PCDHA8: variants seen among roughly 807,000 people sequenced by gnomAD.
The protein encoded by PCDHA8 is protocadherin alpha 8, also known as protocadherin alpha-8.
Under a neutral mutation model 61.8 loss-of-function variants are expected in PCDHA8, and 53 were observed. The observed-to-expected ratio is 0.86, with a 90% confidence interval of 0.69 to 1.08. The LOEUF (loss-of-function observed/expected upper bound fraction) is 1.08, where lower values mean the gene tolerates loss of function less well. PCDHA8 is among the 50% of genes least tolerant of loss of function. PCDHA8 has a pLI of 0.00. For synonymous variants in PCDHA8, 618 were observed against 556.6 expected (o/e 1.11, Z -1.55); for missense variants, 1,293 against 1,245.0 (o/e 1.04, Z -0.58).
chr5:140,967,969 C>T (rs997628696), intron 1 of PCDHA8: 3 of 1,614,064 alleles, frequency 1.9e-6, no homozygotes, highest in African/African-American at 1.3e-5. Flanking sequence ...GGAAAGTGAG[C>T]CTGGGTCTGG....
chr5:140,985,572 C>G (rs2097158307), intron 3 of PCDHA8, among the ~76,000 whole-genome samples: 1 of 152,142 alleles, frequency 6.6e-6, no homozygotes, highest in Non-Finnish European at 1.5e-5. Context: ...CTTTCTGGTG[C>G]CTAAGCCTCC....
chr5:140,868,751 C>A, intron 1 of PCDHA8: 1 of 215,966 alleles, frequency 4.6e-6, no homozygotes, highest in Non-Finnish European at 9.2e-6. Flanking sequence ...ATGCCATTTC[C>A]ATATATATTT....
chr5:140,852,717 C>T lies in PCDHA8; in HGVS notation c.2394+9002C>T, dbSNP rs2042449102. ...ACTTTCAAGTATCTTTGTCTTTGCA[C>T]GTTTTTCAAGTTTCATGTGCCATTT... is the stretch of plus-strand genomic sequence containing the variant. On this transcript the variant is annotated intron_variant, in intron 1 of 3. Transcript: ENST00000531613. 6 of 981,714 alleles carry T rather than the reference C, an allele frequency of 6.1e-6. 2 individuals carry two copies. Among genetic ancestry groups the T allele is most frequent in the Non-Finnish European group, 7.4e-6 (6 of 814,360 alleles). 60.8% of individuals were successfully genotyped at this position (981,714 alleles called of 1,614,324 possible).
At chr5:140,984,826 T>C (rs1554246543) in intron 3 of PCDHA8, among the ~76,000 whole-genome samples, 4 of 152,188 alleles carry the variant, frequency 2.6e-5, no homozygotes, top group African/African-American at 9.6e-5. Context: ...TTAATTACCC[T>C]TTCTGTAAAT....
At chr5:140,992,282 TG>T (rs1554252798) in intron 3 of PCDHA8, among the ~76,000 whole-genome samples, 1 of 152,178 alleles carries the variant, frequency 6.6e-6, no homozygotes, top group African/African-American at 2.4e-5. Context: ...AGCACATCCC[TG>T]CAAAGGATGG....
intron 1 of PCDHA8, chr5:140,863,982 CAG>C (rs1167037323): frequency 6.5e-6 from 1 of 152,978 alleles, no homozygotes; most frequent in Non-Finnish European, 1.5e-5. Context: ...GCCTGGGAGA[CAG>C]GGTGAAACTC....
intron 1 of PCDHA8, among the ~76,000 whole-genome samples, chr5:140,925,606 C>A (rs1554202814): frequency 1.3e-5 from 2 of 150,882 alleles, no homozygotes; most frequent in African/African-American, 4.9e-5. Context: ...TGTAACAAAC[C>A]TGCACGTTGT....
In PCDHA8 at chr5:140,904,903, A is replaced by G. The variant is rs568713418; in HGVS notation, c.2394+61188A>G. On this transcript the variant is annotated intron_variant, in intron 1 of 3. Transcript: ENST00000531613. ...CTTTTTGATGGGATTTGTTTTTCTT[A>G]CTGATTTGTTTGACTTCCTTGTAGG... 9.4e-4 allele frequency among the ~76,000 whole-genome samples: 142 copies of G among 151,862 alleles called. 2 individuals carry two copies. The highest frequency in any genetic ancestry group is 2.9e-3 in the African/African-American group (122 of 41,438).
At chr5:140,982,447 C>G (rs782801484) in intron 2 of PCDHA8, 28 bp from the exon 3 acceptor site, 1 of 1,613,782 alleles carries the variant, frequency 6.2e-7, no homozygotes, top group South Asian at 1.1e-5. Flanking sequence ...ATGATCTAAC[C>G]GTTATCTGGG....
chr5:140,968,500 C>T, intron 1 of PCDHA8: 2 of 1,614,222 alleles, frequency 1.2e-6, no homozygotes, highest in Middle Eastern at 1.6e-4. Context: ...ATGCCCCTCA[C>T]ATTCTGTACC....
At chr5:140,884,732 A>G in intron 1 of PCDHA8, 2 of 1,448,046 alleles carry the variant, frequency 1.4e-6, no homozygotes, top group South Asian at 1.6e-5. Flanking sequence ...TGTTTAAGAC[A>G]TCTTTCCTGC....
intron 3 of PCDHA8, among the ~76,000 whole-genome samples, chr5:140,999,830 T>C (rs146250053): frequency 2.0e-5 from 3 of 152,238 alleles, no homozygotes; most frequent in Non-Finnish European, 4.4e-5. Context: ...GCTTTAAAAA[T>C]ATGCCAAGTG....
chr5:140,883,868 C>G lies in PCDHA8; in HGVS notation c.2394+40153C>G, dbSNP rs782022578. ...CGAGGAGCTGGAGCTGTTGCAGTTC[C>G]AGGTGAGCGCGCGCGACTCTGGCGT... On this transcript the variant is annotated intron_variant, in intron 1 of 3. Coordinates refer to ENST00000531613, the MANE Select transcript of PCDHA8 (RefSeq NM_018911.3). 9.9e-6 allele frequency: 16 copies of G among 1,613,048 alleles called. No homozygotes were observed. The Admixed American group carries it at 2.5e-4, about 25-fold the overall frequency.
rs2150346065 is a variant in PCDHA8, at chr5:140,842,843, A to G, written c.1522A>G (p.Ile508Val). Residue 508 changes from isoleucine to valine, a missense_variant, in exon 1 of 4, where the codon ATT (isoleucine) becomes GTT (valine). Coordinates refer to ENST00000531613, the MANE Select transcript of PCDHA8 (RefSeq NM_018911.3). Reference protein sequence around the residue: ...RVGERSLSSYISVHTESGKVY... With the variant: ...RVGERSLSSYVSVHTESGKVY... ...GGGCGAGCGCTCGCTGTCGAGCTAC[A>G]TTTCGGTGCACACGGAGAGCGGCAA... 1.1e-5 allele frequency: 17 copies of G among 1,593,618 alleles called. 1 individual carries two copies. The South Asian group carries it at 1.8e-4, about 17-fold the overall frequency.
chr5:140,909,516 C>G (rs1213307040), intron 1 of PCDHA8, among the ~76,000 whole-genome samples: 1 of 152,152 alleles, frequency 6.6e-6, no homozygotes, highest in Non-Finnish European at 1.5e-5. Context: ...GAATCACAAC[C>G]CCTGCACATT....
rs578208339 is a variant in PCDHA8 at position 141,001,194 on chromosome 5, C to G, written c.2543-8433C>G. Among the ~76,000 whole-genome samples the G allele has an allele frequency of 1.1e-4, 17 of 152,218 alleles. 1 individual carries two copies. In the South Asian group the frequency reaches 3.3e-3, roughly 30 times the overall value. On this transcript the variant is annotated intron_variant, in intron 3 of 3. Coordinates refer to ENST00000531613, the MANE Select transcript of PCDHA8 (RefSeq NM_018911.3). ...ACGAGTTTTTACTTTGCACCATGCA[C>G]TTATGCTATGTGCTGTATAAGGATA...
At chr5:140,885,738 C>T (rs1160742683) in intron 1 of PCDHA8, among the ~76,000 whole-genome samples, 5 of 151,978 alleles carry the variant, frequency 3.3e-5, no homozygotes, top group African/African-American at 1.2e-4. Flanking sequence ...TGATATTTCA[C>T]TGTTACTTTA....
At chr5:140,997,673 TG>T (rs1554255971) in intron 3 of PCDHA8, among the ~76,000 whole-genome samples, 41 of 149,136 alleles carry the variant, frequency 2.7e-4, no homozygotes, top group African/African-American at 9.9e-4. Context: ...ACAGCTTGTG[TG>T]TGTGTGTGTG....
At chr5:141,005,548 A>G (rs970223535) in intron 3 of PCDHA8, among the ~76,000 whole-genome samples, 2 of 151,322 alleles carry the variant, frequency 1.3e-5, no homozygotes, top group African/African-American at 4.9e-5. Flanking sequence ...CTAAAAATAC[A>G]AAAATTAGCC....
Sources: allele counts gnomAD v4.1 joint callset (sites outside exome capture counted in the v4.1 genomes callset), GRCh38; gene constraint gnomAD v4.1.1; transcripts MANE v1.5; gene names NCBI Gene and HGNC (gene_info 2026-07-23, HGNC 2026-07-21).